CTNND2: variants seen among roughly 807,000 people sequenced by gnomAD.
CTNND2 encodes catenin delta-2.
In CTNND2, 22 loss-of-function variants were observed where a neutral mutation model predicts 144.4. The observed-to-expected ratio is 0.15, with a 90% confidence interval of 0.11 to 0.22. The LOEUF (loss-of-function observed/expected upper bound fraction) is 0.22. CTNND2 is among the 10% of genes least tolerant of loss of function. The pLI, the probability that CTNND2 is intolerant of heterozygous loss-of-function variation, is 1.00. For synonymous variants in CTNND2, 751 were observed against 695.6 expected, an observed-to-expected ratio of 1.08 and a Z score of -1.25; for missense variants, 1,353 against 1,618.8, an observed-to-expected ratio of 0.84 and a Z score of 2.82.
At chr5:11,555,383 A>G (rs1776136470) in intron 3 of CTNND2, among the ~76,000 whole-genome samples, 1 of 152,170 alleles carries the variant, frequency 6.6e-6, no homozygotes. Context: ...GACATGGCTC[A>G]GTAGAGTGGC....
At chr5:11,785,862 G>T (rs1790800061) in intron 1 of CTNND2, among the ~76,000 whole-genome samples, 1 of 152,174 alleles carries the variant, frequency 6.6e-6, no homozygotes, top group South Asian at 2.1e-4. Flanking sequence ...GCACCTTTCT[G>T]GGTCTGGAAG....
At chr5:11,416,529 G>C (rs1418708767) in intron 3 of CTNND2, among the ~76,000 whole-genome samples, 1 of 152,136 alleles carries the variant, frequency 6.6e-6, no homozygotes, top group Non-Finnish European at 1.5e-5. Context: ...TCTTAGCTAG[G>C]AGATTTTATG....
At chr5:11,003,026 A>G (rs1317987930) in intron 18 of CTNND2, among the ~76,000 whole-genome samples, 1 of 152,152 alleles carries the variant, frequency 6.6e-6, no homozygotes, top group Non-Finnish European at 1.5e-5. Flanking sequence ...TGTTTTTTAA[A>G]AAGTTCTGGA....
At chr5:10,996,570 G>A (rs552432691) in intron 18 of CTNND2, among the ~76,000 whole-genome samples, 5 of 152,066 alleles carry the variant, frequency 3.3e-5, no homozygotes, top group East Asian at 1.9e-4. Flanking sequence ...AGAGGTTTGC[G>A]AAACGGACAC....
chr5:11,592,727 T>C (rs1208012399), intron 2 of CTNND2, among the ~76,000 whole-genome samples: 3 of 151,382 alleles, frequency 2.0e-5, no homozygotes, highest in African/African-American at 4.9e-5. Context: ...AGCATGCTTT[T>C]CTGGGGGGGT....
At chr5:11,731,598 C>T (rs1787393340) in intron 2 of CTNND2, among the ~76,000 whole-genome samples, 1 of 152,030 alleles carries the variant, frequency 6.6e-6, no homozygotes, top group Admixed American at 6.6e-5. Context: ...ATTTTATTTA[C>T]TTATGCATTT....
At chr5:11,081,429 G>A (rs191755761) in intron 16 of CTNND2, among the ~76,000 whole-genome samples, 4 of 152,286 alleles carry the variant, frequency 2.6e-5, no homozygotes, top group Admixed American at 2.0e-4. Flanking sequence ...ATCCAAAAAT[G>A]CTTAGGACCA....
chr5:11,666,092 C>T (rs181075225), intron 2 of CTNND2, among the ~76,000 whole-genome samples: 137 of 152,244 alleles, frequency 9.0e-4, no homozygotes, highest in African/African-American at 2.7e-3. Context: ...AAGGATGACA[C>T]TTAAGCCCCA....
chr5:11,850,244 C>T (rs980692140), intron 1 of CTNND2, among the ~76,000 whole-genome samples: 1 of 152,104 alleles, frequency 6.6e-6, no homozygotes, highest in African/African-American at 2.4e-5. Flanking sequence ...TTTCACTCCA[C>T]TCCACCCAAA....
At chr5:11,347,698 G>A (rs1336260632) in intron 8 of CTNND2, among the ~76,000 whole-genome samples, 5 of 152,270 alleles carry the variant, frequency 3.3e-5, no homozygotes, top group Non-Finnish European at 7.4e-5. Context: ...GGCTAGATAG[G>A]ACCATTTATG....
At chr5:11,327,123 G>T (rs1336428909) in intron 9 of CTNND2, among the ~76,000 whole-genome samples, 2 of 152,204 alleles carry the variant, frequency 1.3e-5, no homozygotes, top group Non-Finnish European at 2.9e-5. Context: ...GTATGCTACA[G>T]GCTGAAGTTA....
intron 2 of CTNND2, among the ~76,000 whole-genome samples, chr5:11,637,353 A>C (rs768534244): frequency 7.9e-5 from 12 of 152,198 alleles, no homozygotes; most frequent in Non-Finnish European, 1.6e-4. Flanking sequence ...AAATAAGTAC[A>C]TATGCCACAA....
intron 2 of CTNND2, among the ~76,000 whole-genome samples, chr5:11,683,213 A>C (rs1183105435): frequency 3.9e-5 from 6 of 152,214 alleles, no homozygotes; most frequent in Non-Finnish European, 4.4e-5. Flanking sequence ...AAGACATTTA[A>C]ATATTCTTTT....
At chr5:11,442,296 T>C (rs115051615) in intron 3 of CTNND2, among the ~76,000 whole-genome samples, 11 of 152,316 alleles carry the variant, frequency 7.2e-5, no homozygotes, top group African/African-American at 2.4e-4. Context: ...AGTACATAGA[T>C]ACAGATATAG....
At chr5:11,201,149 T>C (rs1737401731) in intron 10 of CTNND2, among the ~76,000 whole-genome samples, 1 of 152,250 alleles carries the variant, frequency 6.6e-6, no homozygotes, top group Non-Finnish European at 1.5e-5. Flanking sequence ...TTATTTGTTA[T>C]GTTTATCATT....
chr5:11,096,390 C>G (rs1210273924), intron 15 of CTNND2, among the ~76,000 whole-genome samples: 1 of 152,126 alleles, frequency 6.6e-6, no homozygotes, highest in East Asian at 1.9e-4. Context: ...GTTCAATTCC[C>G]ACTTACGAGT....
At position 11,715,185 on chromosome 5, in the gene CTNND2, AG is replaced by A. The variant is rs1786283180; in HGVS notation, c.174+16950del. Among the ~76,000 whole-genome samples the A allele has an allele frequency of 2.0e-5, 3 of 152,326 alleles. No individual in the cohort carries two copies. The South Asian group carries it at 6.2e-4, about 32-fold the overall frequency. Reference sequence around the variant, plus strand: ...ACTCTCTGGACAAGTTTAGTTCCATAGCCAGAGCAGATGTGAATGATACTAT... The same window carrying A: ...ACTCTCTGGACAAGTTTAGTTCCATACCAGAGCAGATGTGAATGATACTAT... On this transcript the variant is annotated intron_variant, in intron 2 of 21. Transcript: ENST00000304623.
intron 3 of CTNND2, among the ~76,000 whole-genome samples, chr5:11,558,942 C>T (rs1181265239): frequency 6.6e-6 from 1 of 152,048 alleles, no homozygotes; most frequent in East Asian, 1.9e-4. Context: ...TCTACACTAG[C>T]ACCACTACCA....
At chr5:11,617,881 T>G (rs911909381) in intron 2 of CTNND2, among the ~76,000 whole-genome samples, 6 of 152,350 alleles carry the variant, frequency 3.9e-5, no homozygotes, top group Non-Finnish European at 7.3e-5. Context: ...CTCAGTCTGA[T>G]AAAGTAGGTG....
Sources: allele counts gnomAD v4.1 joint callset (sites outside exome capture counted in the v4.1 genomes callset), GRCh38; gene constraint gnomAD v4.1.1; transcripts MANE v1.5; gene names NCBI Gene and HGNC (gene_info 2026-07-23, HGNC 2026-07-21).